Variants in SYNRG observed in about 807,000 individuals in gnomAD.
SYNRG encodes the protein synergin gamma.
SYNRG carries 37 observed loss-of-function variants against 130.9 expected under a neutral mutation model. The ratio of observed to expected loss-of-function variants is 0.28; its 90% CI spans 0.22 to 0.37. The LOEUF (loss-of-function observed/expected upper bound fraction) is 0.37. Ranked by LOEUF, SYNRG falls within the 10% of genes least tolerant of loss-of-function variation. The pLI is 1.00. For missense variants in SYNRG, 1,338 were observed against 1,588.9 expected (o/e 0.84, Z 2.68); for synonymous variants, 539 against 568.1 (o/e 0.95, Z 0.73).
chr17:37,523,483 G>C (rs7207076), intron 19 of SYNRG, among the ~76,000 whole-genome samples: 84,932 of 152,070 alleles, frequency 0.56, 24,519 homozygotes, highest in East Asian at 0.81. Flanking sequence ...TAGTAATAAC[G>C]GTGTTTAACA....
intron 11 of SYNRG, among the ~76,000 whole-genome samples, chr17:37,564,509 A>G (rs1001791418): frequency 6.6e-6 from 1 of 152,210 alleles, no homozygotes; most frequent in Non-Finnish European, 1.5e-5. Context: ...TTTAAAATAG[A>G]GTATGTCATA....
chr17:37,575,610 G>A (rs1237871583), intron 8 of SYNRG, among the ~76,000 whole-genome samples: 1 of 151,778 alleles, frequency 6.6e-6, no homozygotes, highest in East Asian at 1.9e-4. Context: ...GGAGACCAAG[G>A]CAGGCAGATC....
At chr17:37,555,133 C>CT (rs1042175223) in intron 13 of SYNRG, among the ~76,000 whole-genome samples, 27 of 147,760 alleles carry the variant, frequency 1.8e-4, no homozygotes, top group African/African-American at 2.5e-4. Flanking sequence ...GCCTATGATT[C>CT]TTTTTTTTTT....
intron 1 of SYNRG, among the ~76,000 whole-genome samples, chr17:37,607,977 A>ACAAAC (rs1555802868): frequency 2.7e-4 from 33 of 121,618 alleles, no homozygotes; most frequent in African/African-American, 1.1e-3. Context: ...AAAAAAAAAA[A>ACAAAC]AAACAAGACA....
Position 37,568,869 on chromosome 17 carries a change from C to A in SYNRG, c.1403G>T (p.Gly468Val), listed in dbSNP as rs751797746. 1 of 1,614,032 alleles carries A rather than the reference C, an allele frequency of 6.2e-7. No homozygotes were observed. The highest frequency in any genetic ancestry group is 8.5e-7 in the Non-Finnish European group (1 of 1,179,952). ...FQDFQDASKSGSLDDSFSDFQ... is the reference protein window; with the variant it reads ...FQDFQDASKSVSLDDSFSDFQ... ...ATCACTGAATGAGTCATCAAGGGAT[C>A]CTGACTTAGAAGCATCTTGAAAATC... Residue 468 changes from glycine (G) to valine (V), a missense_variant, in exon 11 of 22, where the codon GGA becomes GTA. This residue lies in a region of SYNRG where 1,146 missense variants were observed against 1,342.3 expected (regional missense o/e 0.85). Coordinates refer to ENST00000612223, the MANE Select transcript of SYNRG (RefSeq NM_007247.6).
At chr17:37,528,851 C>T (rs2056279144) in intron 19 of SYNRG, among the ~76,000 whole-genome samples, 1 of 152,188 alleles carries the variant, frequency 6.6e-6, no homozygotes, top group South Asian at 2.1e-4. Context: ...AGAGGACACA[C>T]CTAGCAGTTA....
In SYNRG at chr17:37,570,880, G is replaced by A. The variant is rs749018057; in HGVS notation, c.1104C>T (p.Gly368=). 1.1e-5 allele frequency: 17 copies of A among 1,612,254 alleles called. No homozygotes were observed. The East Asian group carries it at 1.3e-4, about 13-fold the overall frequency. The part of the protein sequence containing the change: ...VLAMIAVTQR[G]VPAMSPDALN... ...AAGCATCAGGACTCATTGCAGGAACGCCCCTCTACAAATGATAGAAAGAAA... is the reference window on the plus strand; with the variant it reads ...AAGCATCAGGACTCATTGCAGGAACACCCCTCTACAAATGATAGAAAGAAA... The change falls in exon 10 of 22, where the codon GGC becomes GGT. Residue 368 remains glycine (G), a synonymous_variant. Coordinates refer to ENST00000612223, the MANE Select transcript of SYNRG (RefSeq NM_007247.6).
intron 17 of SYNRG, chr17:37,538,951 TTTG>T: frequency 1.3e-6 from 1 of 783,616 alleles, no homozygotes; most frequent in Non-Finnish European, 1.5e-6. Flanking sequence ...ATGAAATCAC[TTTG>T]TTATTTCTTA....
chr17:37,602,333 G>C (rs1407860599), intron 1 of SYNRG, among the ~76,000 whole-genome samples: 1 of 146,208 alleles, frequency 6.8e-6, no homozygotes, highest in Non-Finnish European at 1.5e-5. Flanking sequence ...GTGAAACTCC[G>C]TTTCAAAAAA....
At chr17:37,588,033 T>A (rs1270538965) in intron 3 of SYNRG, among the ~76,000 whole-genome samples, 2 of 152,178 alleles carry the variant, frequency 1.3e-5, no homozygotes, top group Non-Finnish European at 2.9e-5. Flanking sequence ...TCATGATTAA[T>A]CATCTTCATT....
chr17:37,603,279 G>A (rs1468648858), intron 1 of SYNRG, among the ~76,000 whole-genome samples: 1 of 152,012 alleles, frequency 6.6e-6, no homozygotes, highest in African/African-American at 2.4e-5. Flanking sequence ...CAAAGTGGGA[G>A]GATTGCTTGA....
intron 3 of SYNRG, among the ~76,000 whole-genome samples, chr17:37,588,011 T>C (rs929484678): frequency 6.6e-6 from 1 of 152,180 alleles, no homozygotes. Flanking sequence ...CCTGTTAATT[T>C]TGCCACTTTT....
At chr17:37,600,324 A>G in intron 2 of SYNRG, 39 bp downstream of exon 2, 1 of 1,529,528 alleles carries the variant, frequency 6.5e-7, no homozygotes, top group Non-Finnish European at 8.8e-7. Context: ...GAAACACAAG[A>G]GTGAAAAATA....
Position 37,577,777 on chromosome 17 carries a change from C to T in SYNRG, c.590-164G>A, listed in dbSNP as rs927237389. Among the ~76,000 whole-genome samples the T allele has an allele frequency of 4.1e-5, 6 of 146,170 alleles. No individual in the cohort carries two copies. The East Asian group carries it at 1.2e-3, about 30-fold the overall frequency. On this transcript the variant is annotated intron_variant, in intron 6 of 21. Coordinates refer to ENST00000612223, the MANE Select transcript of SYNRG (RefSeq NM_007247.6). The stretch of plus-strand genomic sequence containing the variant: ...GTACTGGCATGATCTCAGCTCACTG[C>T]AACCTCTGCCTCCCAGGTTCAAGCA...
chr17:37,557,023 G>A (rs1461276615), intron 13 of SYNRG: 1 of 152,210 alleles, frequency 6.6e-6, no homozygotes, highest in Non-Finnish European at 1.5e-5. Context: ...AAGCGGGTGA[G>A]TTTACAAAGG....
intron 15 of SYNRG, 131 bp downstream of exon 15, chr17:37,541,841 T>G: frequency 3.4e-6 from 3 of 873,100 alleles, no homozygotes; most frequent in Non-Finnish European, 5.2e-6. Context: ...TATCTGTAAT[T>G]GACCCTGATT....
chr17:37,539,641 G>A (rs1411649130), intron 16 of SYNRG, among the ~76,000 whole-genome samples: 1 of 152,174 alleles, frequency 6.6e-6, no homozygotes, highest in Non-Finnish European at 1.5e-5. Flanking sequence ...AAAGTGCTGA[G>A]ATTACAGGCA....
chr17:37,571,947 A>C lies in SYNRG; in HGVS notation c.942T>G (p.Thr314=). 1.9e-6 allele frequency: 3 copies of C among 1,613,452 alleles called. No individual in the cohort carries two copies. The highest frequency in any genetic ancestry group is 2.5e-6 in the Non-Finnish European group (3 of 1,179,874). The change falls in exon 9 of 22, where the codon ACT becomes ACG. Residue 314 remains threonine, a synonymous_variant. Transcript: ENST00000612223. Reference sequence around the variant, plus strand: ...GATACAGTTTGGCAGTATCTATTCCAGTTGGAGTCATTGTGGTTTCTAAGA... The same window carrying C: ...GATACAGTTTGGCAGTATCTATTCCCGTTGGAGTCATTGTGGTTTCTAAGA... The part of the protein sequence containing the change: ...KKILETTMTP[T]GIDTAKLYPI...
At chr17:37,536,309 G>T (rs1348948233) in intron 18 of SYNRG, 182 bp from the exon 19 acceptor site, 1 of 728,706 alleles carries the variant, frequency 1.4e-6, no homozygotes, top group Non-Finnish European at 2.1e-6. Flanking sequence ...ACTGGTAAGA[G>T]CATAGAAGCT....
Sources: allele counts gnomAD v4.1 joint callset (sites outside exome capture counted in the v4.1 genomes callset), GRCh38; gene constraint gnomAD v4.1.1; regional missense constraint gnomAD v4.1.1; transcripts MANE v1.5; gene names NCBI Gene and HGNC (gene_info 2026-07-23, HGNC 2026-07-21).